SCYL2: variants seen among roughly 807,000 people sequenced by gnomAD.
The protein encoded by SCYL2 is SCY1-like protein 2.
SCYL2 carries 36 observed loss-of-function variants against 100.4 expected under a neutral mutation model. That is an observed-to-expected ratio of 0.36 (90% CI 0.27 to 0.47). The LOEUF (loss-of-function observed/expected upper bound fraction) is 0.47, where lower values mean the gene tolerates loss of function less well. Among genes scored for constraint, SCYL2 ranks in the 20% least tolerant of loss-of-function variants. The pLI is 1.00. For missense variants in SCYL2, 902 were observed against 1,083.9 expected (o/e 0.83, Z 2.36); for synonymous variants, 330 against 359.2 (o/e 0.92, Z 0.92).
chr12:100,306,307 G>A (rs2096334291), intron 4 of SCYL2, among the ~76,000 whole-genome samples: 1 of 152,188 alleles, frequency 6.6e-6, no homozygotes, highest in Admixed American at 6.5e-5. Context: ...TATCCACCAT[G>A]ATCAAGTCGG....
At chr12:100,326,337 A>AAG (rs1482550223) in intron 11 of SCYL2, among the ~76,000 whole-genome samples, 2 of 152,136 alleles carry the variant, frequency 1.3e-5, no homozygotes, top group Non-Finnish European at 2.9e-5. Context: ...AATGTAGTAA[A>AAG]AGTTTCTCAA....
At chr12:100,285,698 A>G (rs1022198612) in intron 2 of SCYL2, among the ~76,000 whole-genome samples, 1 of 152,200 alleles carries the variant, frequency 6.6e-6, no homozygotes, top group African/African-American at 2.4e-5. Flanking sequence ...AATTTATACC[A>G]TTATATTTCT....
Position 100,312,624 on chromosome 12 carries a change from T to C in SCYL2, c.823T>C (p.Tyr275His). The change falls in exon 6 of 18, where the codon TAC (tyrosine) becomes CAC (histidine). Residue 275 changes from tyrosine to histidine, a missense_variant. By Grantham distance (83) the Tyr-to-His change is moderately conservative. Coordinates refer to ENST00000360820, the MANE Select transcript of SCYL2 (RefSeq NM_017988.6). ...PIFEVNKQDI[Y>H]KSFSRQLDQL... ...ATTTGAAGTCAACAAGCAAGATATTTACAAGAGTTTCAGTAGGCAGTTGGA... is the reference window on the plus strand; with the variant it reads ...ATTTGAAGTCAACAAGCAAGATATTCACAAGAGTTTCAGTAGGCAGTTGGA... 1 of 1,612,432 alleles carries C rather than the reference T, an allele frequency of 6.2e-7. No individual in the cohort carries two copies. Among genetic ancestry groups the C allele is most frequent in the Non-Finnish European group, 8.5e-7 (1 of 1,179,092 alleles).
At chr12:100,305,014 G>A (rs1215300943) in intron 4 of SCYL2, among the ~76,000 whole-genome samples, 1 of 152,160 alleles carries the variant, frequency 6.6e-6, no homozygotes, top group Non-Finnish European at 1.5e-5. Context: ...CAAGTCCTTA[G>A]AGACCTACAA....
chr12:100,295,593 G>T (rs995275745), intron 3 of SCYL2, among the ~76,000 whole-genome samples: 2 of 152,100 alleles, frequency 1.3e-5, no homozygotes, highest in Non-Finnish European at 2.9e-5. Context: ...CAGGCACTCG[G>T]CAGGCTGAGG....
intron 3 of SCYL2, among the ~76,000 whole-genome samples, chr12:100,295,304 G>C (rs1189660559): frequency 6.6e-5 from 10 of 152,156 alleles, no homozygotes; most frequent in Non-Finnish European, 8.8e-5. Context: ...GTGGCGGCCG[G>C]GCAGAGGATG....
At chr12:100,282,910 G>A in intron 1 of SCYL2, 33 bp from the exon 2 acceptor site, 1 of 1,030,736 alleles carries the variant, frequency 9.7e-7, no homozygotes, top group Non-Finnish European at 1.4e-6. Context: ...GATAAGAAAT[G>A]ATCAGTTCTC....
chr12:100,282,003 C>T (rs1566344465), intron 1 of SCYL2, among the ~76,000 whole-genome samples: 1 of 151,904 alleles, frequency 6.6e-6, no homozygotes, highest in Non-Finnish European at 1.5e-5. Context: ...GAGAGTCAGA[C>T]CTCCTATATT....
intron 13 of SCYL2, among the ~76,000 whole-genome samples, chr12:100,333,018 T>C (rs938095181): frequency 6.6e-6 from 1 of 151,988 alleles, no homozygotes; most frequent in Non-Finnish European, 1.5e-5. Context: ...CCTGGACCGA[T>C]GTTGTTTCTT....
chr12:100,322,788 A>T (rs2096357557), intron 10 of SCYL2, among the ~76,000 whole-genome samples: 1 of 149,462 alleles, frequency 6.7e-6, no homozygotes, highest in South Asian at 2.1e-4. Flanking sequence ...TGAACCCGGG[A>T]GGCGGAGGAT....
At chr12:100,335,780 T>C (rs760477653) in intron 15 of SCYL2, 31 bp from the exon 16 acceptor site, 2 of 1,599,092 alleles carry the variant, frequency 1.3e-6, no homozygotes, top group South Asian at 2.2e-5. Flanking sequence ...TTATTGAACT[T>C]ATTTAAATTA....
chr12:100,319,410 G>C (rs1180330383), intron 10 of SCYL2: 10 of 326,758 alleles, frequency 3.1e-5, no homozygotes, highest in African/African-American at 1.5e-4. Flanking sequence ...AGAAGAGGGA[G>C]GGGAAGATTA....
intron 2 of SCYL2, among the ~76,000 whole-genome samples, 189 bp from the exon 3 acceptor site, chr12:100,291,314 G>A (rs768438936): frequency 1.7e-4 from 26 of 152,076 alleles, no homozygotes; most frequent in Non-Finnish European, 2.9e-4. Flanking sequence ...TTTAGATGAG[G>A]ACTCTAGGTT....
intron 3 of SCYL2, chr12:100,291,949 G>A: frequency 4.0e-6 from 1 of 247,324 alleles, no homozygotes; most frequent in Non-Finnish European, 7.6e-6. Flanking sequence ...ATAGAATACA[G>A]TTCTTGCCTG....
At chr12:100,331,284 A>G (rs1009369752) in intron 13 of SCYL2, among the ~76,000 whole-genome samples, 2 of 152,118 alleles carry the variant, frequency 1.3e-5, no homozygotes, top group African/African-American at 4.8e-5. Context: ...CTTAGTTCTC[A>G]TGTTTCTGAT....
intron 2 of SCYL2, 92 bp from the exon 3 acceptor site, chr12:100,291,411 T>G: frequency 1.2e-6 from 1 of 858,812 alleles, no homozygotes; most frequent in Non-Finnish European, 1.7e-6. Context: ...GCTAAAATTT[T>G]TATGGCATAG....
At chr12:100,291,103 C>T (rs185676506) in intron 2 of SCYL2, among the ~76,000 whole-genome samples, 2 of 152,306 alleles carry the variant, frequency 1.3e-5, no homozygotes, top group Admixed American at 6.5e-5. Flanking sequence ...TACTCCCTGA[C>T]TTACAACCTT....
chr12:100,269,653 G>A (rs1355049718), intron 1 of SCYL2, among the ~76,000 whole-genome samples: 1 of 152,162 alleles, frequency 6.6e-6, no homozygotes, highest in African/African-American at 2.4e-5. Context: ...AATAGTGTTA[G>A]GGTGGGTAGT....
At chr12:100,323,838 C>T in intron 11 of SCYL2, 200 bp downstream of exon 11, 1 of 341,186 alleles carries the variant, frequency 2.9e-6, no homozygotes, top group Non-Finnish European at 5.2e-6. Flanking sequence ...ACCTTACTTG[C>T]TGTCCCTTTA....
Sources: gnomAD v4.1 joint callset for allele counts (sites outside exome capture counted in the v4.1 genomes callset) on GRCh38, gnomAD v4.1.1 for gene constraint, MANE v1.5 for transcripts, NCBI Gene and HGNC (gene_info 2026-07-23, HGNC 2026-07-21) for gene names.